Variants in GABRB2 observed in about 807,000 individuals in gnomAD.
GABRB2 encodes the protein gamma-aminobutyric acid receptor subunit beta-2.
GABRB2 carries 16 observed loss-of-function variants against 54.7 expected under a neutral mutation model. The ratio of observed to expected loss-of-function variants is 0.29; its 90% CI spans 0.20 to 0.44. The LOEUF (loss-of-function observed/expected upper bound fraction) is 0.44. Ranked by LOEUF, GABRB2 falls within the 20% of genes least tolerant of loss-of-function variation. The probability of loss-of-function intolerance (pLI) is 1.00; values close to 1 mark genes in which losing one functional copy is unlikely to be tolerated. For missense variants in GABRB2, 355 were observed against 644.0 expected, an observed-to-expected ratio of 0.55 and a Z score of 4.86; for synonymous variants, 244 against 233.8, an observed-to-expected ratio of 1.04 and a Z score of -0.40.
rs144375917 is a variant in GABRB2 at position 161,323,392 on chromosome 5, C to T, written c.1191+2976G>A. ...ATGTTGAGGTCTTCTCCTTGCCTTC[C>T]CCATGTGGTGGTTTTCTCGCATAGC... On this transcript the variant is annotated intron_variant, in intron 9 of 9. Coordinates refer to ENST00000393959, the MANE Select transcript of GABRB2 (RefSeq NM_001371727.1). 5.9e-5 allele frequency among the ~76,000 whole-genome samples: 9 copies of T among 152,224 alleles called. No homozygotes were observed. In the East Asian group the frequency reaches 1.7e-3, roughly 29 times the overall value.
chr5:161,455,748 G>T (rs894804950), intron 4 of GABRB2, among the ~76,000 whole-genome samples: 5 of 151,712 alleles, frequency 3.3e-5, no homozygotes, highest in Admixed American at 3.3e-4. Flanking sequence ...GCCCAGGCTG[G>T]TCCTGAACTC....
At chr5:161,353,834 A>G (rs1269206931) in intron 5 of GABRB2, among the ~76,000 whole-genome samples, 1 of 151,986 alleles carries the variant, frequency 6.6e-6, no homozygotes, top group Non-Finnish European at 1.5e-5. Flanking sequence ...AAAGCAAAAC[A>G]AAAAACCTAA....
chr5:161,424,298 T>C (rs532594448), intron 4 of GABRB2, among the ~76,000 whole-genome samples: 3 of 152,116 alleles, frequency 2.0e-5, no homozygotes, highest in Non-Finnish European at 2.9e-5. Flanking sequence ...TCTAGGACTT[T>C]CATAGCTAGA....
chr5:161,364,250 T>A (rs1328028505), intron 5 of GABRB2, among the ~76,000 whole-genome samples: 1 of 152,178 alleles, frequency 6.6e-6, no homozygotes, highest in African/African-American at 2.4e-5. Context: ...ATAACCATAA[T>A]TATATTTGGT....
At chr5:161,414,288 ATGAAAACTTGCCACC>A (rs1293295073) in intron 4 of GABRB2, among the ~76,000 whole-genome samples, 1 of 152,174 alleles carries the variant, frequency 6.6e-6, no homozygotes, top group Non-Finnish European at 1.5e-5. Flanking sequence ...GAAAATTTCA[ATGAAAACTTGCCACC>A]TTACTTTGCT....
intron 7 of GABRB2, among the ~76,000 whole-genome samples, chr5:161,332,658 C>A (rs1032812371): frequency 6.6e-6 from 1 of 152,118 alleles, no homozygotes; most frequent in Non-Finnish European, 1.5e-5. Context: ...TATAGAGTTG[C>A]CATTGGAATG....
chr5:161,474,314 G>T (rs1758531931), intron 3 of GABRB2, among the ~76,000 whole-genome samples: 1 of 152,034 alleles, frequency 6.6e-6, no homozygotes, highest in African/African-American at 2.4e-5. Context: ...CATTTAGTCA[G>T]GATGTTTTGC....
intron 5 of GABRB2, among the ~76,000 whole-genome samples, chr5:161,378,435 T>A (rs371692169): frequency 3.9e-4 from 59 of 152,250 alleles, no homozygotes; most frequent in African/African-American, 1.3e-3. Context: ...GTATTCCCAG[T>A]ACACTTATTC....
chr5:161,332,933 G>C (rs745663376), intron 7 of GABRB2, among the ~76,000 whole-genome samples: 1 of 151,722 alleles, frequency 6.6e-6, no homozygotes, highest in Non-Finnish European at 1.5e-5. Flanking sequence ...TACATTTCTC[G>C]TGTCCTCTTT....
In GABRB2 at chr5:161,334,774, A is replaced by C. The variant is rs984057129; in HGVS notation, c.810T>G (p.Ala270=). The C allele has an allele frequency of 1.2e-6, 2 of 1,613,876 alleles. No homozygotes were observed. The highest frequency in any genetic ancestry group is 1.7e-6 in the Non-Finnish European group (2 of 1,179,900). The change falls in exon 7 of 10, where the codon GCT becomes GCG. Residue 270 remains alanine (A), a synonymous_variant. Coordinates refer to ENST00000393959, the MANE Select transcript of GABRB2 (RefSeq NM_001371727.1). ...SWVSFWINYD[A]SAARVALGIT... ...TACCTAATGCCACCCTTGCAGCTGA[A>C]GCATCGTAATTAATCCAGAAGGAGA...
chr5:161,378,916 A>G (rs1038971857), intron 5 of GABRB2, among the ~76,000 whole-genome samples: 5 of 152,222 alleles, frequency 3.3e-5, no homozygotes, highest in Admixed American at 6.5e-5. Context: ...GCACCTGCAC[A>G]CAAGGCCCAG....
At chr5:161,478,580 T>G (rs1223366966) in intron 3 of GABRB2, among the ~76,000 whole-genome samples, 2 of 152,068 alleles carry the variant, frequency 1.3e-5, no homozygotes, top group Admixed American at 6.6e-5. Context: ...TCAAAGGTTG[T>G]TAGTTTGCTG....
At chr5:161,300,061 A>G (rs1230671849) in intron 9 of GABRB2, among the ~76,000 whole-genome samples, 2 of 152,006 alleles carry the variant, frequency 1.3e-5, no homozygotes, top group African/African-American at 4.8e-5. Context: ...TGTCTTGTTT[A>G]TTGTTCTTCT....
At chr5:161,496,201 C>A (rs930954645) in intron 3 of GABRB2, among the ~76,000 whole-genome samples, 8 of 152,112 alleles carry the variant, frequency 5.3e-5, no homozygotes, top group Non-Finnish European at 8.8e-5. Flanking sequence ...ACTAATTATG[C>A]AACCTCCCCA....
intron 8 of GABRB2, chr5:161,329,450 C>G (rs1753767097): frequency 6.6e-6 from 1 of 152,096 alleles, no homozygotes; most frequent in Admixed American, 6.5e-5. Flanking sequence ...AAGGGCCATA[C>G]TTAAAATTTG....
In GABRB2 at chr5:161,308,010, C is replaced by A. The variant is rs555954731; in HGVS notation, c.1192-13582G>T. 3.3e-5 allele frequency among the ~76,000 whole-genome samples: 5 copies of A among 151,946 alleles called. No individual in the cohort carries two copies. The East Asian group carries it at 9.7e-4, about 30-fold the overall frequency. On this transcript the variant is annotated intron_variant, in intron 9 of 9. Transcript: ENST00000393959. The stretch of plus-strand genomic sequence containing the variant: ...AGTAGCTGGGACTACAGGCGCCCAC[C>A]ACCACACCCGGCTAATTTTTTTTTG...
chr5:161,407,684 C>G (rs901596703), intron 5 of GABRB2, among the ~76,000 whole-genome samples: 2 of 151,990 alleles, frequency 1.3e-5, no homozygotes, highest in Admixed American at 1.3e-4. Flanking sequence ...CTAAAAGTTT[C>G]AGAGAGAGAT....
At chr5:161,519,007 T>C (rs1359960436) in intron 3 of GABRB2, among the ~76,000 whole-genome samples, 5 of 152,174 alleles carry the variant, frequency 3.3e-5, no homozygotes, top group Admixed American at 1.3e-4. Flanking sequence ...TCTATAAGGT[T>C]AACAAAGAAC....
At chr5:161,467,702 T>A (rs1467656380) in intron 3 of GABRB2, among the ~76,000 whole-genome samples, 1 of 152,088 alleles carries the variant, frequency 6.6e-6, no homozygotes, top group Non-Finnish European at 1.5e-5. Context: ...AATTAAAAAC[T>A]TATTTTTTTC....
Sources: allele counts gnomAD v4.1 joint callset (sites outside exome capture counted in the v4.1 genomes callset), GRCh38; gene constraint gnomAD v4.1.1; transcripts MANE v1.5; gene names NCBI Gene and HGNC (gene_info 2026-07-23, HGNC 2026-07-21).